Variants in ZC3H12B observed in about 807,000 individuals in gnomAD.
ZC3H12B encodes probable ribonuclease ZC3H12B.
Under a neutral mutation model 43.9 loss-of-function variants are expected in ZC3H12B, and 7 were observed. The observed-to-expected ratio is 0.16, with a 90% CI of 0.09 to 0.30. ZC3H12B has a LOEUF of 0.30. Ranked by LOEUF, ZC3H12B falls within the 10% of genes least tolerant of loss-of-function variation. ZC3H12B has a pLI of 1.00. For synonymous variants in ZC3H12B, 222 were observed against 241.7 expected (o/e 0.92, Z 0.76); for missense variants, 475 against 670.2 (o/e 0.71, Z 3.22).
chrX:65,499,287 A>AT lies in ZC3H12B; in HGVS notation c.983+58dup, dbSNP rs764814972. On this transcript the variant is annotated intron_variant, in intron 3 of 4. Transcript: ENST00000338957. ...CAAGTTATCAGTAAGAATAGATTAC[A>AT]TTTTAATAAACATTTACCAAACACT... 199 of 906,634 alleles carry AT rather than the reference A, an allele frequency of 2.2e-4. No homozygotes were observed. The East Asian group carries it at 5.9e-3, about 27-fold the overall frequency. 74.7% of individuals were successfully genotyped at this position (906,634 alleles called of 1,213,427 possible). A position where few individuals can be genotyped will look rare whatever the true frequency, so the allele number is the denominator to read the frequency against.
chrX:65,346,143 G>C, the ZC3H12B span, among the ~76,000 whole-genome samples: 1 of 109,130 alleles, frequency 9.2e-6, no homozygotes, highest in Non-Finnish European at 1.9e-5. Flanking sequence ...TGGAACCAAA[G>C]AAACACCCAA....
At chrX:65,077,479 T>A in the ZC3H12B span, among the ~76,000 whole-genome samples, 1 of 112,100 alleles carries the variant, frequency 8.9e-6, no homozygotes, top group Non-Finnish European at 1.9e-5. Context: ...AGTGTCCTAG[T>A]TGTGGATCAG....
chrX:65,113,985 G>GTGTGTATATATA, the ZC3H12B span, among the ~76,000 whole-genome samples: 1 of 47,483 alleles, frequency 2.1e-5, no homozygotes, highest in African/African-American at 5.5e-5. Flanking sequence ...AGATATGCTT[G>GTGTGTATATATA]TATATATATA....
chrX:65,334,955 C>T, the ZC3H12B span, among the ~76,000 whole-genome samples: 1 of 111,882 alleles, frequency 8.9e-6, no homozygotes, highest in Middle Eastern at 4.6e-3. Context: ...TGTGGGGACA[C>T]TTCCGTATCT....
intron 2 of ZC3H12B, among the ~76,000 whole-genome samples, chrX:65,384,231 A>G (rs2066488432): frequency 9.7e-6 from 1 of 103,416 alleles, no homozygotes; most frequent in Non-Finnish European, 2.0e-5. Flanking sequence ...GACATGGATG[A>G]AATTGGAAAT....
the ZC3H12B span, among the ~76,000 whole-genome samples, chrX:65,296,475 C>A: frequency 1.4e-4 from 15 of 110,531 alleles, no homozygotes; most frequent in East Asian, 3.7e-3. Context: ...TAATGAAACA[C>A]CATATGTTCC....
At chrX:65,373,939 A>T (rs2066291600) in intron 2 of ZC3H12B, among the ~76,000 whole-genome samples, 1 of 46,402 alleles carries the variant, frequency 2.2e-5, no homozygotes, top group African/African-American at 3.4e-4. Context: ...TATAGTATAT[A>T]TATATAGTTA....
chrX:65,069,153 T>G, the ZC3H12B span, among the ~76,000 whole-genome samples: 1 of 109,551 alleles, frequency 9.1e-6, no homozygotes, highest in African/African-American at 3.3e-5. Context: ...TGTATTTGGA[T>G]AACAATATCT....
chrX:65,397,015 G>C (rs144885513), intron 2 of ZC3H12B, among the ~76,000 whole-genome samples: 16 of 111,482 alleles, frequency 1.4e-4, no homozygotes, highest in African/African-American at 4.9e-4. Context: ...TCAGAGACTA[G>C]TATTGCAACC....
At chrX:65,391,768 C>T (rs1004622341) in intron 2 of ZC3H12B, among the ~76,000 whole-genome samples, 4 of 110,951 alleles carry the variant, frequency 3.6e-5, no homozygotes, top group Admixed American at 9.6e-5. Context: ...CCATGGTCTC[C>T]CCCTCTCCCT....
At chrX:65,104,117 C>T in the ZC3H12B span, among the ~76,000 whole-genome samples, 4 of 111,154 alleles carry the variant, frequency 3.6e-5, no homozygotes, top group African/African-American at 6.5e-5. Context: ...TAACACCACA[C>T]GTCTACAACC....
At chrX:65,416,824 A>G (rs1395043051) in intron 3 of ZC3H12B, among the ~76,000 whole-genome samples, 1 of 110,237 alleles carries the variant, frequency 9.1e-6, no homozygotes, top group East Asian at 2.8e-4. Flanking sequence ...GGCCCACTCC[A>G]GACTTACTGA....
At chrX:65,124,449 C>CT in the ZC3H12B span, among the ~76,000 whole-genome samples, 2 of 110,226 alleles carry the variant, frequency 1.8e-5, no homozygotes, top group East Asian at 5.8e-4. Context: ...CTGTAGTTTT[C>CT]TTTTTTTATG....
At chrX:65,182,776 C>T in the ZC3H12B span, among the ~76,000 whole-genome samples, 2 of 109,763 alleles carry the variant, frequency 1.8e-5, no homozygotes, top group Admixed American at 9.7e-5. Flanking sequence ...TGGACAGACA[C>T]ATTTTAAAAG....
chrX:65,148,378 G>A, the ZC3H12B span, among the ~76,000 whole-genome samples: 856 of 112,142 alleles, frequency 7.6e-3, 1 homozygote, highest in Middle Eastern at 0.032. Flanking sequence ...GCCTGGGGCT[G>A]TGGGATCAGC....
the ZC3H12B span, among the ~76,000 whole-genome samples, chrX:65,112,011 AG>A: frequency 8.9e-6 from 1 of 112,417 alleles, no homozygotes; most frequent in African/African-American, 3.2e-5. Context: ...GTCTGAAAAC[AG>A]GTTGCTTGCA....
intron 3 of ZC3H12B, among the ~76,000 whole-genome samples, chrX:65,446,103 G>A (rs2067372220): frequency 9.0e-6 from 1 of 111,622 alleles, no homozygotes; most frequent in Non-Finnish European, 1.9e-5. Context: ...CTTCAAGGCA[G>A]CAGGTTCCCT....
chrX:65,403,118 T>C (rs2066782674), intron 3 of ZC3H12B, among the ~76,000 whole-genome samples: 1 of 111,981 alleles, frequency 8.9e-6, no homozygotes, highest in Non-Finnish European at 1.9e-5. Flanking sequence ...TCAGATTAAT[T>C]TTTCAGAGAT....
At chrX:65,056,395 C>T in the ZC3H12B span, among the ~76,000 whole-genome samples, 51 of 111,338 alleles carry the variant, frequency 4.6e-4, no homozygotes, top group African/African-American at 6.2e-4. Context: ...TGTAGTTGAG[C>T]GGTTTTGAGT....
Sources: allele counts gnomAD v4.1 joint callset (sites outside exome capture counted in the v4.1 genomes callset), GRCh38; gene constraint gnomAD v4.1.1; transcripts MANE v1.5; gene names NCBI Gene and HGNC (gene_info 2026-07-23, HGNC 2026-07-21).